Variants in PTPRT observed in about 807,000 individuals in gnomAD.
PTPRT encodes the protein receptor-type tyrosine-protein phosphatase T.
In PTPRT, 56 loss-of-function variants were observed where a neutral mutation model predicts 176.8. The observed-to-expected ratio is 0.32, with a 90% CI of 0.26 to 0.40. The LOEUF (loss-of-function observed/expected upper bound fraction) is 0.40. PTPRT is among the 10% of genes least tolerant of loss of function. PTPRT has a pLI of 1.00. For missense variants in PTPRT, 1,540 were observed against 1,908.2 expected (o/e 0.81, Z 3.60); for synonymous variants, 783 against 739.0 (o/e 1.06, Z -0.96).
chr20:42,273,098 C>T (rs1427591343), intron 13 of PTPRT, among the ~76,000 whole-genome samples: 1 of 152,150 alleles, frequency 6.6e-6, no homozygotes, highest in East Asian at 1.9e-4. Context: ...TTATTCATTG[C>T]CTCTCCCATG....
intron 11 of PTPRT, among the ~76,000 whole-genome samples, chr20:42,341,628 C>G (rs1237108020): frequency 6.6e-6 from 1 of 152,156 alleles, no homozygotes; most frequent in Non-Finnish European, 1.5e-5. Flanking sequence ...ATGAGGTCAT[C>G]CACTCCCCTC....
At chr20:42,594,722 G>A (rs894582826) in intron 7 of PTPRT, among the ~76,000 whole-genome samples, 4 of 152,120 alleles carry the variant, frequency 2.6e-5, no homozygotes, top group African/African-American at 7.2e-5. Context: ...GGTACAGAAT[G>A]TCCAGCTCAA....
chr20:42,341,712 C>A lies in PTPRT; in HGVS notation c.1865+8916G>T, dbSNP rs1259528244. 3.3e-5 allele frequency among the ~76,000 whole-genome samples: 5 copies of A among 152,264 alleles called. No individual in the cohort carries two copies. The East Asian group carries it at 9.7e-4, about 29-fold the overall frequency. The stretch of plus-strand genomic sequence containing the variant: ...CCTGCTCAGATGCCTCTCCAGCACT[C>A]CAGACTTTTGGAATTTAAATAGTCC... On this transcript the variant is annotated intron_variant, in intron 11 of 30. Transcript: ENST00000373187.
chr20:42,767,627 A>G (rs1221151084), intron 5 of PTPRT, among the ~76,000 whole-genome samples: 1 of 149,660 alleles, frequency 6.7e-6, no homozygotes, highest in African/African-American at 2.4e-5. Context: ...ACTTATTAAA[A>G]AAACTATATA....
chr20:42,485,130 G>A (rs781142810), intron 7 of PTPRT, among the ~76,000 whole-genome samples: 4 of 152,150 alleles, frequency 2.6e-5, no homozygotes, highest in Admixed American at 2.0e-4. Flanking sequence ...TTACTTTTGC[G>A]CTAGAGGAAA....
chr20:42,153,451 AG>A (rs1783715115), intron 17 of PTPRT, among the ~76,000 whole-genome samples: 1 of 152,176 alleles, frequency 6.6e-6, no homozygotes, highest in Non-Finnish European at 1.5e-5. Context: ...TCTTGGTCAA[AG>A]GATTTTTCTA....
At chr20:42,862,504 C>T (rs891836447) in intron 2 of PTPRT, among the ~76,000 whole-genome samples, 3 of 152,092 alleles carry the variant, frequency 2.0e-5, no homozygotes, top group Non-Finnish European at 4.4e-5. Context: ...GCTGAGTCTC[C>T]CACTGTGGGG....
At chr20:42,499,542 G>A (rs1488020623) in intron 7 of PTPRT, among the ~76,000 whole-genome samples, 1 of 151,824 alleles carries the variant, frequency 6.6e-6, no homozygotes, top group Non-Finnish European at 1.5e-5. Context: ...CAGCTGCCTC[G>A]GCCTCCCAAA....
intron 2 of PTPRT, among the ~76,000 whole-genome samples, chr20:42,824,676 A>C (rs1357292151): frequency 6.6e-6 from 1 of 152,094 alleles, no homozygotes; most frequent in Admixed American, 6.6e-5. Flanking sequence ...AGAATAAAAA[A>C]TCAAATCATT....
chr20:42,947,743 C>A (rs1390190678), intron 1 of PTPRT, among the ~76,000 whole-genome samples: 2 of 152,154 alleles, frequency 1.3e-5, no homozygotes, highest in Non-Finnish European at 2.9e-5. Context: ...CACCCTCATA[C>A]CTTTCACTCA....
chr20:42,989,080 T>C (rs994482252), intron 1 of PTPRT, among the ~76,000 whole-genome samples: 1 of 152,234 alleles, frequency 6.6e-6, no homozygotes, highest in Non-Finnish European at 1.5e-5. Context: ...AGTAAATGAA[T>C]GGGCAAATGC....
At chr20:42,778,820 T>C (rs2077174511) in intron 4 of PTPRT, among the ~76,000 whole-genome samples, 1 of 152,190 alleles carries the variant, frequency 6.6e-6, no homozygotes, top group Non-Finnish European at 1.5e-5. Flanking sequence ...TGGGATCCTC[T>C]TCACATGAAG....
chr20:42,930,882 A>G (rs1459163489), intron 1 of PTPRT, among the ~76,000 whole-genome samples: 1 of 152,040 alleles, frequency 6.6e-6, no homozygotes, highest in Admixed American at 6.5e-5. Context: ...TACAGCTGCC[A>G]AATAAATGAG....
chr20:43,135,448 G>A (rs1413303238), intron 1 of PTPRT, among the ~76,000 whole-genome samples: 2 of 152,198 alleles, frequency 1.3e-5, no homozygotes, highest in Admixed American at 6.5e-5. Context: ...GACACAGAGA[G>A]AAACTCAGAA....
intron 6 of PTPRT, among the ~76,000 whole-genome samples, chr20:42,729,628 G>A (rs2076431160): frequency 6.6e-6 from 1 of 152,194 alleles, no homozygotes; most frequent in Non-Finnish European, 1.5e-5. Context: ...AAGCTGGGAA[G>A]ACAGTACAGG....
chr20:42,331,567 A>G (rs774006914), intron 11 of PTPRT, among the ~76,000 whole-genome samples: 4 of 152,230 alleles, frequency 2.6e-5, no homozygotes, highest in Non-Finnish European at 5.9e-5. Context: ...TAGGGCAAAC[A>G]AATGCAAGAG....
At chr20:42,633,996 AT>A (rs1569038086) in intron 7 of PTPRT, among the ~76,000 whole-genome samples, 1 of 25,416 alleles carries the variant, frequency 3.9e-5, no homozygotes, top group Non-Finnish European at 6.1e-5. Flanking sequence ...TATATTATAT[AT>A]ATTATATATA....
At chr20:42,253,297 G>T (rs969257209) in intron 13 of PTPRT, among the ~76,000 whole-genome samples, 6 of 152,176 alleles carry the variant, frequency 3.9e-5, no homozygotes, top group Non-Finnish European at 1.5e-5. Flanking sequence ...GCTTTCCACA[G>T]ATGCCAGCAG....
At chr20:42,235,412 C>A (rs1304971299) in intron 15 of PTPRT, among the ~76,000 whole-genome samples, 2 of 152,084 alleles carry the variant, frequency 1.3e-5, no homozygotes, top group African/African-American at 4.8e-5. Context: ...AGACGCCTGC[C>A]ATCACGCCCA....
Sources: gnomAD v4.1 joint callset for allele counts (sites outside exome capture counted in the v4.1 genomes callset) on GRCh38, gnomAD v4.1.1 for gene constraint, MANE v1.5 for transcripts, NCBI Gene and HGNC (gene_info 2026-07-23, HGNC 2026-07-21) for gene names.